Variants in TAOK1 observed in about 807,000 individuals in gnomAD.
TAOK1 encodes the protein serine/threonine-protein kinase TAO1.
In TAOK1, 21 loss-of-function variants were observed where a neutral mutation model predicts 138.3. The observed-to-expected ratio is 0.15, with a 90% confidence interval of 0.11 to 0.22. TAOK1 has a LOEUF of 0.22. TAOK1 is among the 10% of genes least tolerant of loss of function. The pLI, the probability that TAOK1 is intolerant of heterozygous loss-of-function variation, is 1.00. For synonymous variants in TAOK1, 361 were observed against 398.4 expected, an observed-to-expected ratio of 0.91 and a Z score of 1.12; for missense variants, 651 against 1,227.7, an observed-to-expected ratio of 0.53 and a Z score of 7.02.
chr17:29,462,121 A>G (rs941346879), intron 2 of TAOK1, among the ~76,000 whole-genome samples: 3 of 152,222 alleles, frequency 2.0e-5, no homozygotes, highest in Non-Finnish European at 4.4e-5. Context: ...CCTCTGGTCA[A>G]ATTTTTTTAG....
intron 1 of TAOK1, among the ~76,000 whole-genome samples, chr17:29,414,802 G>A (rs555448030): frequency 1.2e-3 from 177 of 146,948 alleles, no homozygotes; most frequent in African/African-American, 4.3e-3. Flanking sequence ...CAAGTGATCC[G>A]CCCGCCTTGG....
rs1014641607 is a variant in TAOK1, at chr17:29,546,722, G to A, written c.*3700G>A. 6.6e-6 allele frequency: 1 copy of A among 152,040 alleles called. No homozygotes were observed. The highest frequency in any genetic ancestry group is 2.4e-5 in the African/African-American group (1 of 41,414). The allele number at this position is 152,040 out of a possible 1,614,324, so 9.4% of individuals were successfully genotyped here. ...ATGTATATATTGTATATACATATGA[G>A]TGTCTGTATGTGTGTATAGATGGAT... On this transcript the variant is annotated 3_prime_UTR_variant, in exon 20 of 20. Transcript: ENST00000261716.
At chr17:29,402,610 CTT>C (rs1199370398) in intron 1 of TAOK1, among the ~76,000 whole-genome samples, 1 of 151,998 alleles carries the variant, frequency 6.6e-6, no homozygotes, top group African/African-American at 2.4e-5. Context: ...TGGTTGAAAA[CTT>C]TTTATTTGGA....
chr17:29,438,621 C>G (rs943650100), intron 1 of TAOK1, among the ~76,000 whole-genome samples: 53 of 152,122 alleles, frequency 3.5e-4, no homozygotes, highest in African/African-American at 1.2e-3. Flanking sequence ...CTCAGGAGGT[C>G]GAGGCTGCAG....
chr17:29,400,755 CA>C (rs1415300493), intron 1 of TAOK1, among the ~76,000 whole-genome samples: 2 of 152,026 alleles, frequency 1.3e-5, no homozygotes, highest in African/African-American at 4.8e-5. Context: ...TCCTCTAAGC[CA>C]GTGCTTTCAA....
At chr17:29,400,036 T>C (rs771973068) in intron 1 of TAOK1, among the ~76,000 whole-genome samples, 8 of 152,166 alleles carry the variant, frequency 5.3e-5, no homozygotes, top group Non-Finnish European at 1.0e-4. Context: ...CCACCTCTGA[T>C]GGGAGTTTTT....
At chr17:29,457,434 G>A (rs1171324787) in intron 2 of TAOK1, among the ~76,000 whole-genome samples, 5 of 102,030 alleles carry the variant, frequency 4.9e-5, no homozygotes, top group African/African-American at 1.5e-4. Flanking sequence ...GAGATGGAGT[G>A]TGGCTCTGTA....
intron 13 of TAOK1, among the ~76,000 whole-genome samples, chr17:29,507,193 A>T (rs1203892776): frequency 6.6e-6 from 1 of 151,790 alleles, no homozygotes; most frequent in Non-Finnish European, 1.5e-5. Context: ...TACACTAAAC[A>T]TATTGAATTG....
chr17:29,530,575 G>C lies in TAOK1; in HGVS notation c.2317G>C (p.Glu773Gln). ...EQTRKLAILA[E>Q]QYDHSINEML... ...GACCCGGAAATTAGCTATCTTGGCT[G>C]AGCAGTATGATCACAGCATTAATGA... is the stretch of plus-strand genomic sequence containing the variant. Residue 773 changes from glutamate (E) to glutamine (Q), a missense_variant, in exon 18 of 20, where the codon GAG becomes CAG. Coordinates refer to ENST00000261716, the MANE Select transcript of TAOK1 (RefSeq NM_020791.4). 6.2e-7 allele frequency: 1 copy of C among 1,614,172 alleles called. No individual in the cohort carries two copies. The highest frequency in any genetic ancestry group is 8.5e-7 in the Non-Finnish European group (1 of 1,180,034).
At chr17:29,456,389 A>G (rs2030377406) in intron 2 of TAOK1, among the ~76,000 whole-genome samples, 3 of 150,290 alleles carry the variant, frequency 2.0e-5, no homozygotes, top group Admixed American at 6.6e-5. Flanking sequence ...TTCCTAGGGA[A>G]GCCATTTGGT....
At position 29,546,411 on chromosome 17, in the gene TAOK1, T is replaced by C. The variant is rs1254720187; in HGVS notation, c.*3389T>C. 6.6e-6 allele frequency: 1 copy of C among 152,154 alleles called. No individual in the cohort carries two copies. Among genetic ancestry groups the C allele is most frequent in the Admixed American group, 6.5e-5 (1 of 15,278 alleles). The allele number at this position is 152,154 out of a possible 1,614,324, so 9.4% of individuals were successfully genotyped here. A position where few individuals can be genotyped will look rare whatever the true frequency, so the allele number is the denominator to read the frequency against. ...CCCTTTTCAAAAATTGAAAACTCTA[T>C]GAGTGTCTTTTTGAGACCATAAAGC... On this transcript the variant is annotated 3_prime_UTR_variant, in exon 20 of 20. Coordinates refer to ENST00000261716, the MANE Select transcript of TAOK1 (RefSeq NM_020791.4).
intron 1 of TAOK1, among the ~76,000 whole-genome samples, chr17:29,392,542 A>G (rs961923420): frequency 6.6e-6 from 1 of 152,190 alleles, no homozygotes; most frequent in African/African-American, 2.4e-5. Flanking sequence ...TAAAAATTTA[A>G]ACATTCTGGA....
intron 4 of TAOK1, 78 bp from the exon 5 acceptor site, chr17:29,477,583 G>A: frequency 1.4e-5 from 12 of 829,074 alleles, no homozygotes; most frequent in Non-Finnish European, 1.9e-5. Context: ...GATCTACTGT[G>A]TGAACTTATT....
chr17:29,542,790 C>A lies in TAOK1; in HGVS notation c.2774C>A (p.Pro925His), dbSNP rs2032341297. The change falls in exon 20 of 20, where the codon CCC (proline) becomes CAC (histidine). Residue 925 changes from proline to histidine, a missense_variant. By Grantham distance (77) the Pro-to-His change is moderately conservative. Around this residue, in one of 8 missense-constraint regions of TAOK1, gnomAD observed 108 missense variants for 120.3 expected, o/e 0.90. Transcript: ENST00000261716. ...GGTCCAGGACCTCACTGGGGTCATC[C>A]CATGGGTGGCCCACCACAAGCTTGG... ...TGGPGPHWGH[P>H]MGGPPQAWGH... 15 of 1,614,118 alleles carry A rather than the reference C, an allele frequency of 9.3e-6. No homozygotes were observed. The highest frequency in any genetic ancestry group is 1.2e-5 in the Non-Finnish European group (14 of 1,179,988).
At chr17:29,521,809 C>T (rs540984178) in intron 16 of TAOK1, among the ~76,000 whole-genome samples, 1 of 152,348 alleles carries the variant, frequency 6.6e-6, no homozygotes, top group African/African-American at 2.4e-5. Context: ...GTCTCGATCT[C>T]CTGACCTCGT....
At chr17:29,477,955 G>A (rs2030981431) in intron 5 of TAOK1, among the ~76,000 whole-genome samples, 1 of 151,972 alleles carries the variant, frequency 6.6e-6, no homozygotes, top group African/African-American at 2.4e-5. Context: ...CTGTCATTCT[G>A]CTCCTCTTGT....
intron 1 of TAOK1, among the ~76,000 whole-genome samples, chr17:29,423,690 AT>A (rs1262734007): frequency 5.9e-5 from 9 of 151,556 alleles, no homozygotes; most frequent in Non-Finnish European, 1.0e-4. Flanking sequence ...CTGATTTTTG[AT>A]TTCTGATTTA....
chr17:29,539,446 GT>G (rs1403456344), intron 19 of TAOK1, among the ~76,000 whole-genome samples: 1 of 151,950 alleles, frequency 6.6e-6, no homozygotes, highest in Non-Finnish European at 1.5e-5. Context: ...TTTGTTTTTT[GT>G]TTTTTTGAGA....
At chr17:29,422,370 A>T (rs1462352287) in intron 1 of TAOK1, among the ~76,000 whole-genome samples, 3 of 138,540 alleles carry the variant, frequency 2.2e-5, no homozygotes, top group Non-Finnish European at 4.7e-5. Context: ...CACCCAGCTA[A>T]TTTTTTTTTT....
Sources: gnomAD v4.1 joint callset for allele counts (sites outside exome capture counted in the v4.1 genomes callset) on GRCh38, gnomAD v4.1.1 for gene constraint, gnomAD v4.1.1 regional missense constraint, MANE v1.5 for transcripts, NCBI Gene and HGNC (gene_info 2026-07-23, HGNC 2026-07-21) for gene names.